DNAH7: variants seen among roughly 807,000 people sequenced by gnomAD.
The protein encoded by DNAH7 is dynein axonemal heavy chain 7.
A neutral mutation model predicts 444.6 loss-of-function variants in DNAH7; 397 were observed. The observed-to-expected ratio is 0.89, with a 90% CI of 0.82 to 0.97. DNAH7 has a LOEUF of 0.97. DNAH7 is among the 50% of genes least tolerant of loss of function. The pLI is 0.00. For missense variants in DNAH7, 4,902 were observed against 4,800.8 expected, an observed-to-expected ratio of 1.02 and a Z score of -0.62; for synonymous variants, 1,636 against 1,624.4, an observed-to-expected ratio of 1.01 and a Z score of -0.17.
At chr2:195,958,584 T>C (rs1690858373) in intron 18 of DNAH7, among the ~76,000 whole-genome samples, 1 of 152,108 alleles carries the variant, frequency 6.6e-6, no homozygotes, top group Non-Finnish European at 1.5e-5. Flanking sequence ...TAAAGAAAAA[T>C]GTACATACTC....
chr2:196,049,748 T>C (rs1487219992), intron 3 of DNAH7, among the ~76,000 whole-genome samples: 1 of 152,216 alleles, frequency 6.6e-6, no homozygotes, highest in Non-Finnish European at 1.5e-5. Context: ...AAAAGCATTT[T>C]AGATGATTAT....
chr2:196,031,250 G>A (rs894323935), intron 5 of DNAH7, among the ~76,000 whole-genome samples: 1 of 152,206 alleles, frequency 6.6e-6, no homozygotes, highest in African/African-American at 2.4e-5. Context: ...GCCCCTTTCA[G>A]CCACAGCTGG....
intron 36 of DNAH7, 68 bp downstream of exon 36, chr2:195,881,723 TTGTC>T: frequency 1.4e-6 from 2 of 1,440,004 alleles, no homozygotes; most frequent in African/African-American, 1.4e-5. Flanking sequence ...AAAAAATTAT[TTGTC>T]TGCTATTTCA....
intron 1 of DNAH7, among the ~76,000 whole-genome samples, chr2:196,065,652 T>G: frequency 6.6e-6 from 1 of 152,216 alleles, no homozygotes; most frequent in East Asian, 1.9e-4. Flanking sequence ...TTTCCTAGTC[T>G]TCCCTGTTCC....
At chr2:195,889,281 CCCTT>C (rs1271160032) in intron 31 of DNAH7, among the ~76,000 whole-genome samples, 9 of 148,306 alleles carry the variant, frequency 6.1e-5, no homozygotes, top group Admixed American at 4.0e-4. Flanking sequence ...CTCCCTCCCT[CCCTT>C]CCTTCCATCC....
chr2:195,739,462 T>C (rs936532002), intron 64 of DNAH7, among the ~76,000 whole-genome samples: 1 of 152,240 alleles, frequency 6.6e-6, no homozygotes, highest in Non-Finnish European at 1.5e-5. Context: ...ATTGCTATTT[T>C]CTTAAGCCAT....
intron 15 of DNAH7, among the ~76,000 whole-genome samples, chr2:195,981,860 G>A (rs1692595526): frequency 6.6e-6 from 1 of 152,042 alleles, no homozygotes; most frequent in South Asian, 2.1e-4. Context: ...CTATGAAACT[G>A]CCACAAGGAA....
At chr2:195,804,990 A>T (rs901403062) in intron 54 of DNAH7, among the ~76,000 whole-genome samples, 2 of 151,922 alleles carry the variant, frequency 1.3e-5, no homozygotes, top group African/African-American at 4.9e-5. Flanking sequence ...AAAAACAAAC[A>T]AAAAACATAC....
intron 46 of DNAH7, among the ~76,000 whole-genome samples, chr2:195,847,883 T>G (rs982018666): frequency 2.0e-5 from 3 of 152,078 alleles, no homozygotes; most frequent in African/African-American, 7.2e-5. Flanking sequence ...ATAATGCAGT[T>G]TGTGAGACTC....
rs748435966 is a variant in DNAH7 at position 195,775,898 on chromosome 2, G to C, written c.11150C>G (p.Thr3717Ser). 1 of 1,614,202 alleles carries C rather than the reference G, an allele frequency of 6.2e-7. No homozygotes were observed. The highest frequency in any genetic ancestry group is 1.1e-5 in the South Asian group (1 of 91,086). The change falls in exon 60 of 65, where the codon ACT (threonine) becomes AGT (serine). Residue 3717 changes from threonine to serine, a missense_variant. By Grantham distance (58) the Thr-to-Ser change is moderately conservative. Coordinates refer to ENST00000312428, the MANE Select transcript of DNAH7 (RefSeq NM_018897.3). Reference protein sequence around the residue: ...IFGMNANADITKDQSETQLLF... With the variant: ...IFGMNANADISKDQSETQLLF... ...CAGCTGAGTTTCTGACTGATCCTTA[G>C]TGATATCTGCATTGGCATTCATCCC...
chr2:195,991,320 A>G (rs923468705), intron 12 of DNAH7, among the ~76,000 whole-genome samples: 4 of 152,158 alleles, frequency 2.6e-5, no homozygotes, highest in Non-Finnish European at 5.9e-5. Flanking sequence ...TCTGCAAGGA[A>G]TCTTCCTTCA....
chr2:195,864,049 T>C (rs1360809649), intron 41 of DNAH7, 100 bp downstream of exon 41: 1 of 1,148,170 alleles, frequency 8.7e-7, no homozygotes, highest in African/African-American at 1.6e-5. Context: ...CTAAACAATA[T>C]TTTGGGGTAA....
chr2:195,939,172 C>G (rs1022992561), intron 19 of DNAH7, among the ~76,000 whole-genome samples: 4 of 152,144 alleles, frequency 2.6e-5, no homozygotes, highest in Non-Finnish European at 4.4e-5. Context: ...TTTACTCCCC[C>G]TTTCCTTCTC....
At chr2:195,865,789 G>A (rs950231973) in intron 40 of DNAH7, among the ~76,000 whole-genome samples, 4 of 152,062 alleles carry the variant, frequency 2.6e-5, no homozygotes, top group African/African-American at 4.8e-5. Context: ...AAGCAATTAA[G>A]GTTAAATTAA....
chr2:195,842,485 A>G (rs1648548448), intron 47 of DNAH7, among the ~76,000 whole-genome samples: 2 of 152,152 alleles, frequency 1.3e-5, no homozygotes, highest in Admixed American at 6.5e-5. Context: ...CAGGTAAAGA[A>G]GATACTTAGC....
chr2:196,053,944 ATG>A, intron 2 of DNAH7, among the ~76,000 whole-genome samples: 1 of 152,290 alleles, frequency 6.6e-6, no homozygotes, highest in South Asian at 2.1e-4. Context: ...CATGAAGCCC[ATG>A]TGTTCCCACT....
chr2:195,813,443 T>C (rs1559115014), intron 51 of DNAH7, among the ~76,000 whole-genome samples: 2 of 152,216 alleles, frequency 1.3e-5, no homozygotes, highest in Non-Finnish European at 2.9e-5. Flanking sequence ...CTTTGAAATC[T>C]AAACATCAAG....
intron 15 of DNAH7, among the ~76,000 whole-genome samples, chr2:195,979,994 A>G (rs1306361127): frequency 6.6e-6 from 1 of 151,042 alleles, no homozygotes; most frequent in Non-Finnish European, 1.5e-5. Context: ...GTGTCCCAAC[A>G]AGGAAAAGCC....
chr2:195,752,933 T>C (rs1693872159), intron 63 of DNAH7, among the ~76,000 whole-genome samples: 1 of 152,150 alleles, frequency 6.6e-6, no homozygotes, highest in African/African-American at 2.4e-5. Flanking sequence ...GACAATTCTT[T>C]TGAGGAATTT....
Sources: gnomAD v4.1 joint callset for allele counts (sites outside exome capture counted in the v4.1 genomes callset) on GRCh38, gnomAD v4.1.1 for gene constraint, MANE v1.5 for transcripts, NCBI Gene and HGNC (gene_info 2026-07-23, HGNC 2026-07-21) for gene names.